CRTC1: variants seen among roughly 807,000 people sequenced by gnomAD.
CRTC1 encodes CREB regulated transcription coactivator 1, also known as CREB-regulated transcription coactivator 1.
In CRTC1, 18 loss-of-function variants were observed where a neutral mutation model predicts 66.1. The ratio of observed to expected loss-of-function variants is 0.27; its 90% CI spans 0.19 to 0.40. CRTC1 has a LOEUF of 0.40. Among genes scored for constraint, CRTC1 ranks in the 10% least tolerant of loss-of-function variants. The pLI is 1.00. For synonymous variants in CRTC1, 416 were observed against 398.8 expected (o/e 1.04, Z -0.51); for missense variants, 669 against 887.9 (o/e 0.75, Z 3.13).
At chr19:18,709,317 C>T (rs1437980241) in intron 1 of CRTC1, among the ~76,000 whole-genome samples, 2 of 152,140 alleles carry the variant, frequency 1.3e-5, no homozygotes, top group Non-Finnish European at 2.9e-5. Flanking sequence ...CCTGATGTCC[C>T]CTCATGGTGC....
At chr19:18,712,877 T>C (rs1221249430) in intron 1 of CRTC1, among the ~76,000 whole-genome samples, 1 of 151,920 alleles carries the variant, frequency 6.6e-6, no homozygotes, top group Admixed American at 6.6e-5. Context: ...GGAGAATGGC[T>C]TGAACCCGGG....
rs1206339760 is a variant in CRTC1, at chr19:18,768,582, C to G, written c.1109C>G (p.Pro370Arg). Residue 370 changes from proline (P) to arginine (R), a missense_variant, in exon 10 of 14, where the codon CCG (proline) becomes CGG (arginine). Physicochemically the swap from Pro to Arg is moderately radical, Grantham distance 103. Transcript: ENST00000321949. The surrounding 1 kb of genome is among the most constrained non-coding windows in gnomAD (Gnocchi z 5.6). ...CAGCCACCGCCGCAGCCCCAGCCCC[C>G]GCCGCCTCCTCCACCCGCGTCCCAG... ...SQQPPPQPQP[P>R]PPPPPASQQP... is the part of the protein sequence containing the mutation. 3.8e-6 allele frequency: 6 copies of G among 1,580,738 alleles called. No individual in the cohort carries two copies. The Admixed American group carries it at 8.9e-5, about 23-fold the overall frequency.
chr19:18,710,450 G>T (rs2053364542), intron 1 of CRTC1, among the ~76,000 whole-genome samples: 1 of 151,048 alleles, frequency 6.6e-6, no homozygotes, highest in Non-Finnish European at 1.5e-5. Context: ...TTCTGGGGCT[G>T]CTGGAGGGGG....
intron 1 of CRTC1, among the ~76,000 whole-genome samples, chr19:18,716,699 A>T (rs1464009389): frequency 2.0e-5 from 3 of 152,140 alleles, no homozygotes; most frequent in Non-Finnish European, 4.4e-5. Flanking sequence ...AGCTGGAGTG[A>T]CCTGCTCAGG....
chr19:18,769,730 C>T (rs901073720), intron 10 of CRTC1, among the ~76,000 whole-genome samples: 2 of 152,170 alleles, frequency 1.3e-5, no homozygotes, highest in African/African-American at 4.8e-5. Context: ...CACAGGGTGT[C>T]TGGGCCAGGT....
chr19:18,734,742 A>G (rs1038907295), intron 1 of CRTC1, among the ~76,000 whole-genome samples: 2 of 152,164 alleles, frequency 1.3e-5, no homozygotes, highest in African/African-American at 4.8e-5. Context: ...TGCTGCTCCA[A>G]GCTGTGTTCC....
rs541787660 is a variant in CRTC1, at chr19:18,745,799, T to C, written c.244-24T>C. 1.9e-6 allele frequency: 3 copies of C among 1,613,424 alleles called. No homozygotes were observed. The East Asian group carries it at 6.7e-5, about 36-fold the overall frequency. Reference sequence around the variant, plus strand: ...ACCATTGTTTGGATTTCTCTCTCTCTGTTTCCATCTCCTCCTCCCCCAGAC... The same window carrying C: ...ACCATTGTTTGGATTTCTCTCTCTCCGTTTCCATCTCCTCCTCCCCCAGAC... On this transcript the variant is annotated intron_variant, in intron 2 of 13. Coordinates refer to ENST00000321949, the MANE Select transcript of CRTC1 (RefSeq NM_015321.3).
At chr19:18,747,340 C>T (rs556920286) in intron 4 of CRTC1, among the ~76,000 whole-genome samples, 16 of 151,914 alleles carry the variant, frequency 1.1e-4, no homozygotes, top group Non-Finnish European at 2.2e-4. Flanking sequence ...AAAAAAAAGA[C>T]AAAAACAAAA....
Position 18,747,129 on chromosome 19 carries a change from A to ACCCCCCCCCCCCCCCCCCC in CRTC1, c.443+25_443+26insCCCCCCCCCCCCCCCCCCC, listed in dbSNP as rs56040769. On this transcript the variant is annotated intron_variant, in intron 4 of 13. Transcript: ENST00000321949. ...AGCTGGAGAAGGTCAGTGGCTGGAC[A>ACCCCCCCCCCCCCCCCCCC]CCCCCCCCCCGCCCCCTTCTTGTTG... 2.7e-6 allele frequency: 3 copies of ACCCCCCCCCCCCCCCCCCC among 1,109,968 alleles called. No homozygotes were observed. The highest frequency in any genetic ancestry group is 3.7e-6 in the Non-Finnish European group (3 of 801,922). 68.8% of individuals were successfully genotyped at this position (1,109,968 alleles called of 1,614,324 possible). A position where few individuals can be genotyped will look rare whatever the true frequency, so the allele number is the denominator to read the frequency against.
chr19:18,684,166 A>G (rs2052631295), intron 1 of CRTC1, among the ~76,000 whole-genome samples: 1 of 151,388 alleles, frequency 6.6e-6, no homozygotes, highest in Admixed American at 6.6e-5. Context: ...TCCCTACATC[A>G]TTGTTACCCG....
At chr19:18,765,160 T>A (rs2054700467) in intron 8 of CRTC1, among the ~76,000 whole-genome samples, 1 of 152,186 alleles carries the variant, frequency 6.6e-6, no homozygotes, top group Non-Finnish European at 1.5e-5. Flanking sequence ...GATGTGCTGG[T>A]TGGCTGGCTG....
At chr19:18,758,091 C>T (rs993767517) in intron 6 of CRTC1, among the ~76,000 whole-genome samples, 4 of 148,692 alleles carry the variant, frequency 2.7e-5, no homozygotes, top group Admixed American at 1.3e-4. Context: ...GGCCAGGCAC[C>T]GTGGCTCATG....
chr19:18,703,560 T>G (rs1005522624), intron 1 of CRTC1, among the ~76,000 whole-genome samples: 1 of 152,156 alleles, frequency 6.6e-6, no homozygotes, highest in African/African-American at 2.4e-5. Context: ...CCTCCCAGGT[T>G]CAAGCGATTC....
At chr19:18,769,239 GC>G (rs1375148795) in intron 10 of CRTC1, among the ~76,000 whole-genome samples, 4 of 152,252 alleles carry the variant, frequency 2.6e-5, no homozygotes, top group Non-Finnish European at 5.9e-5. Flanking sequence ...AGCGCCTGGG[GC>G]CCAGGGCTGG....
chr19:18,728,987 AT>A (rs1173878421), intron 1 of CRTC1, among the ~76,000 whole-genome samples: 2 of 149,012 alleles, frequency 1.3e-5, no homozygotes, highest in African/African-American at 4.9e-5. Context: ...TAATTCTTGT[AT>A]TTTTAGTAGA....
chr19:18,746,567 G>A (rs906340329), intron 3 of CRTC1, among the ~76,000 whole-genome samples: 1 of 137,838 alleles, frequency 7.3e-6, no homozygotes, highest in Non-Finnish European at 1.5e-5. Flanking sequence ...GGTTGCTCCC[G>A]GGATCCCCCG....
rs1319058328 is a variant in CRTC1 at position 18,782,239 on chromosome 19, GC to G, written c.*4859del. 2 of 226,634 alleles carry G rather than the reference GC, an allele frequency of 8.8e-6. No individual in the cohort carries two copies. Among genetic ancestry groups the G allele is most frequent in the Non-Finnish European group, 1.8e-5 (2 of 113,872 alleles). The allele number at this position is 226,634 out of a possible 1,614,324, so 14.0% of individuals were successfully genotyped here. On this transcript the variant is annotated 3_prime_UTR_variant, in exon 14 of 14. Coordinates refer to ENST00000321949, the MANE Select transcript of CRTC1 (RefSeq NM_015321.3). Reference sequence around the variant, plus strand: ...GGGCAGGCGGCTCAGGGCACACTCGGCCGTCCCTGCCCCATCCTCTGGCAGG... The same window carrying G: ...GGGCAGGCGGCTCAGGGCACACTCGGCGTCCCTGCCCCATCCTCTGGCAGG...
chr19:18,747,394 T>TG (rs2054270348), intron 4 of CRTC1, among the ~76,000 whole-genome samples: 1 of 151,988 alleles, frequency 6.6e-6, no homozygotes, highest in South Asian at 2.1e-4. Context: ...CTCAGCACTT[T>TG]GGGGGGCCGA....
chr19:18,757,904 GCTA>G (rs1309314602), intron 6 of CRTC1, among the ~76,000 whole-genome samples: 3 of 150,822 alleles, frequency 2.0e-5, no homozygotes, highest in Non-Finnish European at 4.4e-5. Context: ...TGTAGTCCCA[GCTA>G]CTCGGGAGGC....
Sources: allele counts gnomAD v4.1 joint callset (sites outside exome capture counted in the v4.1 genomes callset), GRCh38; gene constraint gnomAD v4.1.1; non-coding constraint Gnocchi (gnomAD v3.1); transcripts MANE v1.5; gene names NCBI Gene and HGNC (gene_info 2026-07-23, HGNC 2026-07-21).